The following ENPP1 variants were observed in gnomAD, a reference collection of about 807,000 sequenced individuals.
ENPP1 encodes ectonucleotide pyrophosphatase/phosphodiesterase 1, also known as ectonucleotide pyrophosphatase/phosphodiesterase family member 1.
Under a neutral mutation model 122.8 loss-of-function variants are expected in ENPP1, and 73 were observed. The observed-to-expected ratio is 0.59, with a 90% CI of 0.49 to 0.72. The LOEUF (loss-of-function observed/expected upper bound fraction) is 0.72. Among genes scored for constraint, ENPP1 ranks in the 30% least tolerant of loss-of-function variants. The pLI is 0.00. For missense variants in ENPP1, 978 were observed against 1,128.1 expected, an observed-to-expected ratio of 0.87 and a Z score of 1.91; for synonymous variants, 367 against 391.6, an observed-to-expected ratio of 0.94 and a Z score of 0.74.
Position 131,873,023 on chromosome 6 carries a change from A to G in ENPP1, c.1538A>G (p.Tyr513Cys), listed in dbSNP as rs1243920034. 11 of 1,613,700 alleles carry G rather than the reference A, an allele frequency of 6.8e-6. No homozygotes were observed. Among genetic ancestry groups the G allele is most frequent in the East Asian group, 2.2e-5 (1 of 44,870 alleles). ...GATAGAATTGAGCCCTTGACATTCT[A>G]TTTGGACCCTCAGTGGCAACTTGCA... Reference protein sequence around the residue: ...KSDRIEPLTFYLDPQWQLALN... With the variant: ...KSDRIEPLTFCLDPQWQLALN... The change falls in exon 15 of 25, where the codon TAT becomes TGT. Residue 513 changes from tyrosine (Y) to cysteine (C), a missense_variant. Physicochemically the swap from Tyr to Cys is radical, Grantham distance 194. Coordinates refer to ENST00000647893, the MANE Select transcript of ENPP1 (RefSeq NM_006208.3).
At position 131,886,593 on chromosome 6, in the gene ENPP1, T is replaced by C. The variant is rs1782380656; in HGVS notation, c.2476T>C (p.Leu826=). The C allele has an allele frequency of 6.2e-7, 1 of 1,613,956 alleles. No individual in the cohort carries two copies. Among genetic ancestry groups the C allele is most frequent in the Non-Finnish European group, 8.5e-7 (1 of 1,179,816 alleles). ...KRRVIRNQEI[L]IPTHFFIVLT... is the part of the protein sequence containing the mutation. ...AAGAGTCATCCGTAACCAAGAAATT[T>C]TGATTCCAACTCACTTCTTTATTGT... Residue 826 remains leucine, a synonymous_variant, in exon 24 of 25, where the codon TTG becomes CTG. Transcript: ENST00000647893.
chr6:131,880,033 A>T lies in ENPP1; in HGVS notation c.2099A>T (p.Asn700Ile). Residue 700 changes from asparagine to isoleucine, a missense_variant and splice_region_variant, in exon 20 of 25, where the codon AAT (asparagine) becomes ATT (isoleucine). Physicochemically the swap from Asn to Ile is moderately radical, Grantham distance 149 (BLOSUM62 -3). Transcript: ENST00000647893. Reference protein sequence around the residue: ...PLWTSYTVDRNDSFSTEDFSN... With the variant: ...PLWTSYTVDRIDSFSTEDFSN... ...TGGACATCCTATACCGTGGACAGAA[A>T]TGCAAGTATTTGTCACCTCTTTATG... 6.2e-7 allele frequency: 1 copy of T among 1,614,016 alleles called. No individual in the cohort carries two copies. Among genetic ancestry groups the T allele is most frequent in the Non-Finnish European group, 8.5e-7 (1 of 1,179,872 alleles).
At chr6:131,830,957 C>T (rs555127088) in intron 1 of ENPP1, among the ~76,000 whole-genome samples, 11 of 151,442 alleles carry the variant, frequency 7.3e-5, no homozygotes, top group Admixed American at 3.3e-4. Context: ...ACCAAAAATA[C>T]GGAAAATTAG....
intron 13 of ENPP1, among the ~76,000 whole-genome samples, chr6:131,870,480 G>A (rs1466275439): frequency 6.6e-6 from 1 of 151,970 alleles, no homozygotes; most frequent in African/African-American, 2.4e-5. Flanking sequence ...GATGTGTAGA[G>A]CAAATTTTGT....
At chr6:131,888,968 C>T in intron 24 of ENPP1, among the ~76,000 whole-genome samples, 1 of 152,110 alleles carries the variant, frequency 6.6e-6, no homozygotes, top group East Asian at 1.9e-4. Context: ...CCATTAGGGA[C>T]CCAGAACTTT....
chr6:131,850,631 C>T (rs978236593), intron 3 of ENPP1, among the ~76,000 whole-genome samples: 2 of 152,124 alleles, frequency 1.3e-5, no homozygotes, highest in Non-Finnish European at 2.9e-5. Context: ...AGCCGTTGCT[C>T]GACCATGGCT....
chr6:131,854,873 A>G (rs562521329), intron 5 of ENPP1, 53 bp from the exon 6 acceptor site: 39 of 1,238,088 alleles, frequency 3.2e-5, no homozygotes, highest in Non-Finnish European at 4.3e-5. Flanking sequence ...TCTTCATTGG[A>G]TATGTCTTGT....
In ENPP1 at chr6:131,892,430, C is replaced by T. The variant is rs2114739362; in HGVS notation, c.*1919C>T. The T allele has an allele frequency of 6.6e-6, 1 of 152,214 alleles. No homozygotes were observed. Among genetic ancestry groups the T allele is most frequent in the South Asian group, 2.1e-4 (1 of 4,818 alleles). 9.4% of individuals were successfully genotyped at this position (152,214 alleles called of 1,614,324 possible). ...TGGGCAAGGTGAGAATTCAGTTTCC[C>T]ATTAGGTCTTTATTGATTCTTCCCT... On this transcript the variant is annotated 3_prime_UTR_variant, in exon 25 of 25. Transcript: ENST00000647893.
chr6:131,875,641 T>G, intron 16 of ENPP1, 135 bp from the exon 17 acceptor site: 1 of 715,248 alleles, frequency 1.4e-6, no homozygotes, highest in Non-Finnish European at 2.6e-6. Context: ...TCCCACAAAG[T>G]CCACTGAGCG....
intron 18 of ENPP1, 89 bp from the exon 19 acceptor site, chr6:131,878,453 G>T (rs1182835200): frequency 2.5e-6 from 2 of 810,414 alleles, no homozygotes; most frequent in African/African-American, 3.4e-5. Flanking sequence ...TTTGTTCTAT[G>T]TTGGAATAAT....
chr6:131,845,375 T>C (rs2092508956), intron 1 of ENPP1, among the ~76,000 whole-genome samples: 1 of 151,734 alleles, frequency 6.6e-6, no homozygotes, highest in Admixed American at 6.6e-5. Context: ...ACACTAAATA[T>C]AGATGTTTTA....
chr6:131,846,827 T>C (rs1003300135), intron 1 of ENPP1, among the ~76,000 whole-genome samples: 1 of 152,208 alleles, frequency 6.6e-6, no homozygotes, highest in Non-Finnish European at 1.5e-5. Flanking sequence ...GATTGTTTTG[T>C]GGGTTATTCC....
chr6:131,855,435 C>A (rs1781933257), intron 6 of ENPP1, among the ~76,000 whole-genome samples: 1 of 152,232 alleles, frequency 6.6e-6, no homozygotes. Context: ...AAGTGATTCT[C>A]GTGCCACAGC....
chr6:131,858,559 C>G (rs1781978306), intron 6 of ENPP1, 109 bp from the exon 7 acceptor site: 4 of 719,014 alleles, frequency 5.6e-6, no homozygotes, highest in East Asian at 2.7e-5. Context: ...AAAATCCCTC[C>G]TGGGCTAATT....
rs112743162 is a variant in ENPP1, at chr6:131,877,288, T to A, written c.1893+127T>A. The A allele has an allele frequency of 4.5e-3, 3,997 of 885,776 alleles. 109 individuals are homozygous for A. The African/African-American group carries it at 0.056, about 12-fold the overall frequency. 54.9% of individuals were successfully genotyped at this position (885,776 alleles called of 1,614,324 possible). ...AGTGGGGGTAGGTAAACATATGTTT[T>A]AATTCTAGGGGGCGCATGTAGATCT... On this transcript the variant is annotated intron_variant, in intron 18 of 24. Coordinates refer to ENST00000647893, the MANE Select transcript of ENPP1 (RefSeq NM_006208.3).
At chr6:131,843,972 G>T (rs2114684273) in intron 1 of ENPP1, among the ~76,000 whole-genome samples, 1 of 152,152 alleles carries the variant, frequency 6.6e-6, no homozygotes, top group Middle Eastern at 3.4e-3. Context: ...GTGTGTGTAT[G>T]TGGTGTTTTT....
chr6:131,887,716 A>G (rs1331485632), intron 24 of ENPP1, among the ~76,000 whole-genome samples: 9 of 105,840 alleles, frequency 8.5e-5, no homozygotes, highest in East Asian at 2.8e-4. Flanking sequence ...CCGCCACCAC[A>G]CCCGGCTAAT....
intron 1 of ENPP1, among the ~76,000 whole-genome samples, chr6:131,814,354 G>C (rs1781390923): frequency 6.6e-6 from 1 of 151,870 alleles, no homozygotes; most frequent in Non-Finnish European, 1.5e-5. Flanking sequence ...TGATTTTAGA[G>C]AAAAACACCA....
At chr6:131,839,553 C>G (rs1443799449) in intron 1 of ENPP1, among the ~76,000 whole-genome samples, 2 of 152,096 alleles carry the variant, frequency 1.3e-5, no homozygotes, top group Non-Finnish European at 2.9e-5. Context: ...TCACTAATAC[C>G]CACATTAGTC....
Sources: gnomAD v4.1 joint callset for allele counts (sites outside exome capture counted in the v4.1 genomes callset) on GRCh38, gnomAD v4.1.1 for gene constraint, MANE v1.5 for transcripts, NCBI Gene and HGNC (gene_info 2026-07-23, HGNC 2026-07-21) for gene names.